Variants in CRTC1 observed in about 807,000 individuals in gnomAD.
CRTC1 encodes CREB-regulated transcription coactivator 1.
A neutral mutation model predicts 66.1 loss-of-function variants in CRTC1; 18 were observed. The ratio of observed to expected loss-of-function variants is 0.27; its 90% confidence interval spans 0.19 to 0.40. The LOEUF (loss-of-function observed/expected upper bound fraction) is 0.40, where lower values mean the gene tolerates loss of function less well. CRTC1 is among the 10% of genes least tolerant of loss of function. The pLI is 1.00. For synonymous variants in CRTC1, 416 were observed against 398.8 expected (o/e 1.04, Z -0.51); for missense variants, 669 against 887.9 (o/e 0.75, Z 3.13).
chr19:18,712,746 G>T (rs907343771), intron 1 of CRTC1, among the ~76,000 whole-genome samples: 16 of 151,976 alleles, frequency 1.1e-4, no homozygotes, highest in African/African-American at 3.9e-4. Context: ...GATCGCTCGA[G>T]GTCAGGAGTT....
intron 3 of CRTC1, among the ~76,000 whole-genome samples, chr19:18,746,639 C>T (rs972434507): frequency 6.6e-6 from 1 of 152,128 alleles, no homozygotes; most frequent in Non-Finnish European, 1.5e-5. Context: ...GGGAGCTTGA[C>T]CAGCTGGGCC....
intron 1 of CRTC1, among the ~76,000 whole-genome samples, chr19:18,696,724 G>A (rs2052997261): frequency 6.6e-6 from 1 of 152,054 alleles, no homozygotes; most frequent in Non-Finnish European, 1.5e-5. Context: ...GGGGGAGTGG[G>A]GACCTCTCCA....
At position 18,781,196 on chromosome 19, in the gene CRTC1, A is replaced by C. The variant is rs1360173634; in HGVS notation, c.*3814A>C. 1.8e-5 allele frequency: 4 copies of C among 226,642 alleles called. No individual in the cohort carries two copies. The highest frequency in any genetic ancestry group is 3.5e-5 in the Non-Finnish European group (4 of 114,146). 14.0% of individuals were successfully genotyped at this position (226,642 alleles called of 1,614,324 possible). A position where few individuals can be genotyped will look rare whatever the true frequency, so the allele number is the denominator to read the frequency against. ...GATGTGCCCCTGGGCCTGGCCCGTC[A>C]CCCACATGTGGTGCCCTGGGCCAGG... is the stretch of plus-strand genomic sequence containing the variant. On this transcript the variant is annotated 3_prime_UTR_variant, in exon 14 of 14. Coordinates refer to ENST00000321949, the MANE Select transcript of CRTC1 (RefSeq NM_015321.3).
intron 8 of CRTC1, among the ~76,000 whole-genome samples, chr19:18,761,788 G>A (rs1365914564): frequency 1.3e-5 from 2 of 152,160 alleles, no homozygotes; most frequent in East Asian, 1.9e-4. Flanking sequence ...GGCAAGGGGC[G>A]TGGAGGGTGG....
Position 18,771,313 on chromosome 19 carries a change from G to A in CRTC1, c.1321-129G>A, listed in dbSNP as rs2054862656. On this transcript the variant is annotated intron_variant, in intron 10 of 13. Transcript: ENST00000321949. The surrounding 1 kb of genome is among the most constrained non-coding windows in gnomAD (Gnocchi z 4.6). ...CTCCTCTGCCTACCAGTGGGGTGGC[G>A]ACCATCACCAAGGTGTGAGGGGCGG... 4 of 705,014 alleles carry A rather than the reference G, an allele frequency of 5.7e-6. No individual in the cohort carries two copies. The highest frequency in any genetic ancestry group is 5.9e-5 in the East Asian group (2 of 34,126). The allele number at this position is 705,014 out of a possible 1,614,324, so 43.7% of individuals were successfully genotyped here.
chr19:18,769,931 G>C (rs939874361), intron 10 of CRTC1, among the ~76,000 whole-genome samples: 6 of 152,116 alleles, frequency 3.9e-5, no homozygotes, highest in Non-Finnish European at 7.4e-5. Context: ...TCCAACTCCA[G>C]GAAGGCCCAA....
rs535582765 is a variant in CRTC1, at chr19:18,745,096, G to A, written c.244-727G>A. 1.1e-4 allele frequency among the ~76,000 whole-genome samples: 17 copies of A among 152,234 alleles called. No individual in the cohort carries two copies. In the South Asian group the frequency reaches 1.7e-3, roughly 15 times the overall value. On this transcript the variant is annotated intron_variant, in intron 2 of 13. Coordinates refer to ENST00000321949, the MANE Select transcript of CRTC1 (RefSeq NM_015321.3). ...GTCAGGGCGGGCTCCTGGCAGCCCC[G>A]GGGGCATGAGGCCGGGCATGTAGCA...
At chr19:18,729,487 G>T (rs1293015425) in intron 1 of CRTC1, among the ~76,000 whole-genome samples, 1 of 151,642 alleles carries the variant, frequency 6.6e-6, no homozygotes, top group Non-Finnish European at 1.5e-5. Flanking sequence ...GCTCATGTCT[G>T]TAATCCTAGC....
At chr19:18,759,508 A>G (rs2145803632) in intron 6 of CRTC1, 43 bp from the exon 7 acceptor site, 4 of 1,599,948 alleles carry the variant, frequency 2.5e-6, no homozygotes, top group South Asian at 1.1e-5. Flanking sequence ...AGGGCCCCAC[A>G]GGGTGTGCCC....
At chr19:18,730,790 C>G (rs1323926348) in intron 1 of CRTC1, among the ~76,000 whole-genome samples, 1 of 152,160 alleles carries the variant, frequency 6.6e-6, no homozygotes, top group African/African-American at 2.4e-5. Flanking sequence ...CCCTTGGTCC[C>G]CCTACTCCTG....
At chr19:18,689,078 T>A (rs2052759382) in intron 1 of CRTC1, among the ~76,000 whole-genome samples, 1 of 152,074 alleles carries the variant, frequency 6.6e-6, no homozygotes, top group Admixed American at 6.5e-5. Context: ...CCTGAGTGGC[T>A]GGGATTACAG....
At chr19:18,699,057 G>A (rs1007590490) in intron 1 of CRTC1, among the ~76,000 whole-genome samples, 1 of 151,714 alleles carries the variant, frequency 6.6e-6, no homozygotes, top group Non-Finnish European at 1.5e-5. Flanking sequence ...CACACAGTGT[G>A]TATTTAGCAG....
intron 8 of CRTC1, among the ~76,000 whole-genome samples, chr19:18,763,169 C>T (rs933956587): frequency 3.3e-5 from 5 of 151,322 alleles, no homozygotes; most frequent in African/African-American, 9.7e-5. Flanking sequence ...GGTGTGATCT[C>T]GGCTCACTGC....
At chr19:18,728,961 T>C (rs995877156) in intron 1 of CRTC1, among the ~76,000 whole-genome samples, 3 of 150,140 alleles carry the variant, frequency 2.0e-5, no homozygotes, top group Non-Finnish European at 3.0e-5. Context: ...TACAGGTGCC[T>C]GCCATCATGT....
At chr19:18,729,148 G>A (rs1417710976) in intron 1 of CRTC1, among the ~76,000 whole-genome samples, 2 of 147,810 alleles carry the variant, frequency 1.4e-5, no homozygotes, top group Non-Finnish European at 3.0e-5. Context: ...CAGGCTGGCC[G>A]GGCGCGGTGG....
rs1020506035 is a variant in CRTC1, at chr19:18,780,361, C to T, written c.*2979C>T. On this transcript the variant is annotated 3_prime_UTR_variant, in exon 14 of 14. Transcript: ENST00000321949. ...CTTCCTGTTTCGCCGACGTCACTAC[C>T]CAGGGTGGCAAGTCTTGCAGGCAGA... The T allele has an allele frequency of 8.6e-6, 2 of 232,166 alleles. No individual in the cohort carries two copies. The highest frequency in any genetic ancestry group is 1.7e-5 in the Non-Finnish European group (2 of 117,448). The allele number at this position is 232,166 out of a possible 1,614,324, so 14.4% of individuals were successfully genotyped here. A position where few individuals can be genotyped will look rare whatever the true frequency, so the allele number is the denominator to read the frequency against.
intron 6 of CRTC1, among the ~76,000 whole-genome samples, chr19:18,757,243 C>T (rs888939521): frequency 6.6e-6 from 1 of 152,106 alleles, no homozygotes; most frequent in Non-Finnish European, 1.5e-5. Context: ...GAGCAGAAGA[C>T]GGTCCTGCCT....
Position 18,760,326 on chromosome 19 carries a change from A to T in CRTC1, c.886+98A>T. The T allele has an allele frequency of 9.8e-7, 1 of 1,023,888 alleles. No individual in the cohort carries two copies. The highest frequency in any genetic ancestry group is 1.5e-5 in the South Asian group (1 of 67,200). 63.4% of individuals were successfully genotyped at this position (1,023,888 alleles called of 1,614,324 possible). ...TTGGCAGAGTCCCGTTCCAAATACT[A>T]GGGCATGGGGGACAGGGCTGGGGGG... On this transcript the variant is annotated intron_variant, in intron 8 of 13. Coordinates refer to ENST00000321949, the MANE Select transcript of CRTC1 (RefSeq NM_015321.3). This position sits in a 1 kb window ranked among gnomAD's most constrained non-coding sequence, Gnocchi z 6.2.
chr19:18,688,613 T>G (rs1568474283), intron 1 of CRTC1, among the ~76,000 whole-genome samples: 1 of 152,046 alleles, frequency 6.6e-6, no homozygotes, highest in Admixed American at 6.6e-5. Flanking sequence ...TAATTTTGTA[T>G]TTTTAGTAGA....
Sources: allele counts gnomAD v4.1 joint callset (sites outside exome capture counted in the v4.1 genomes callset), GRCh38; gene constraint gnomAD v4.1.1; non-coding constraint Gnocchi (gnomAD v3.1); transcripts MANE v1.5; gene names NCBI Gene and HGNC (gene_info 2026-07-23, HGNC 2026-07-21).